Variants in ULK2 observed in about 807,000 individuals in gnomAD.
ULK2 encodes the protein serine/threonine-protein kinase ULK2.
Under a neutral mutation model 127.5 loss-of-function variants are expected in ULK2, and 76 were observed. The ratio of observed to expected loss-of-function variants is 0.60; its 90% CI spans 0.50 to 0.72. The LOEUF (loss-of-function observed/expected upper bound fraction) is 0.72. ULK2 is among the 30% of genes least tolerant of loss of function. ULK2 has a pLI of 0.00. For synonymous variants in ULK2, 452 were observed against 461.9 expected (o/e 0.98, Z 0.28); for missense variants, 1,144 against 1,295.9 (o/e 0.88, Z 1.80).
intron 14 of ULK2, among the ~76,000 whole-genome samples, chr17:19,809,732 C>CAAAAAA (rs369486144): frequency 1.1e-5 from 1 of 90,502 alleles, no homozygotes; most frequent in African/African-American, 4.8e-5. Flanking sequence ...GACTCCGTCT[C>CAAAAAA]AAAAAAAAAA....
At chr17:19,817,963 C>A (rs1374734265) in intron 12 of ULK2, among the ~76,000 whole-genome samples, 1 of 152,068 alleles carries the variant, frequency 6.6e-6, no homozygotes, top group African/African-American at 2.4e-5. Context: ...GATGGAAGAA[C>A]TAGCACTACT....
chr17:19,804,632 C>A (rs2087473919), intron 15 of ULK2, 61 bp downstream of exon 15: 1 of 1,522,042 alleles, frequency 6.6e-7, no homozygotes. Context: ...CTTCCAATAT[C>A]AATAAATTTT....
chr17:19,835,351 C>A (rs1314291459), intron 10 of ULK2, among the ~76,000 whole-genome samples: 1 of 150,700 alleles, frequency 6.6e-6, no homozygotes, highest in Non-Finnish European at 1.5e-5. Flanking sequence ...AAGTGCTGGG[C>A]TTAACAGGCA....
At chr17:19,845,492 C>T in intron 6 of ULK2, 115 bp from the exon 7 acceptor site, 1 of 763,188 alleles carries the variant, frequency 1.3e-6, no homozygotes, top group Admixed American at 2.3e-5. Context: ...AAATAAACAG[C>T]TTATTGAATT....
chr17:19,806,704 A>G (rs547760861), intron 14 of ULK2, among the ~76,000 whole-genome samples: 1 of 152,314 alleles, frequency 6.6e-6, no homozygotes, highest in African/African-American at 2.4e-5. Context: ...CAACTCCCTG[A>G]GTCCAAGTTA....
chr17:19,850,224 T>C (rs1250012920), intron 3 of ULK2, among the ~76,000 whole-genome samples: 1 of 152,224 alleles, frequency 6.6e-6, no homozygotes, highest in East Asian at 1.9e-4. Context: ...TTCTGGAATA[T>C]ATGACTCAGG....
intron 10 of ULK2, among the ~76,000 whole-genome samples, chr17:19,826,956 CAAA>C (rs757947424): frequency 8.0e-5 from 7 of 87,492 alleles, no homozygotes; most frequent in Non-Finnish European, 9.6e-5. Context: ...GACTCCGTCT[CAAA>C]AAAAAAAAAA....
chr17:19,816,197 CAA>C (rs1349989070), intron 13 of ULK2, among the ~76,000 whole-genome samples: 1 of 152,182 alleles, frequency 6.6e-6, no homozygotes, highest in African/African-American at 2.4e-5. Context: ...CCTTCATGAT[CAA>C]ACCATGGCTC....
At chr17:19,814,432 ATAT>A (rs2040922451) in intron 13 of ULK2, among the ~76,000 whole-genome samples, 14 of 15,386 alleles carry the variant, frequency 9.1e-4, no homozygotes, top group Admixed American at 2.3e-3. Context: ...ATATATATAT[ATAT>A]ATATTTTTTT....
chr17:19,805,666 C>A (rs1021894536), intron 14 of ULK2, among the ~76,000 whole-genome samples: 1 of 152,110 alleles, frequency 6.6e-6, no homozygotes, highest in African/African-American at 2.4e-5. Flanking sequence ...AACCATATGT[C>A]TTTCTTGGTC....
intron 25 of ULK2, among the ~76,000 whole-genome samples, chr17:19,780,057 C>G (rs911796774): frequency 4.0e-5 from 6 of 151,854 alleles, no homozygotes; most frequent in Non-Finnish European, 5.9e-5. Flanking sequence ...GCCTGTAATC[C>G]CAGCTACTCA....
chr17:19,855,233 T>A (rs960331514), intron 3 of ULK2, among the ~76,000 whole-genome samples: 2 of 150,964 alleles, frequency 1.3e-5, no homozygotes, highest in East Asian at 1.9e-4. Flanking sequence ...TGAAACCCCG[T>A]CTCTACTAAA....
chr17:19,790,534 T>G, intron 20 of ULK2, among the ~76,000 whole-genome samples: 1 of 151,302 alleles, frequency 6.6e-6, no homozygotes, highest in African/African-American at 2.4e-5. Flanking sequence ...AGAAAATCAG[T>G]GATACCACCA....
At chr17:19,825,728 T>C (rs1403705706) in intron 11 of ULK2, among the ~76,000 whole-genome samples, 1 of 150,192 alleles carries the variant, frequency 6.7e-6, no homozygotes, top group African/African-American at 2.5e-5. Context: ...GGCTCACACC[T>C]GTAATTCCAG....
Position 19,797,503 on chromosome 17 carries a change from G to A in ULK2, c.1702C>T (p.Pro568Ser), listed in dbSNP as rs754368706. The change falls in exon 18 of 27, where the codon CCT (proline) becomes TCT (serine). Residue 568 changes from proline to serine, a missense_variant. Transcript: ENST00000395544. ...GTGGGAGAAGTTCCAAGGCTGCCAGGCCGACTGGGCTGAGGCGAGTAGCTG... is the reference window on the plus strand; with the variant it reads ...GTGGGAGAAGTTCCAAGGCTGCCAGACCGACTGGGCTGAGGCGAGTAGCTG... Reference protein sequence around the residue: ...GYSYSPQPSRPGSLGTSPTKH... With the variant: ...GYSYSPQPSRSGSLGTSPTKH... 1 of 1,613,950 alleles carries A rather than the reference G, an allele frequency of 6.2e-7. No homozygotes were observed. The highest frequency in any genetic ancestry group is 8.5e-7 in the Non-Finnish European group (1 of 1,180,018).
chr17:19,861,728 A>G (rs995159931), intron 3 of ULK2, among the ~76,000 whole-genome samples: 7 of 152,366 alleles, frequency 4.6e-5, no homozygotes, highest in South Asian at 4.1e-4. Flanking sequence ...AAGACAAACT[A>G]CACAAACAGC....
chr17:19,795,781 AG>A, intron 19 of ULK2, 56 bp from the exon 20 acceptor site: 2 of 1,492,998 alleles, frequency 1.3e-6, no homozygotes, highest in Non-Finnish European at 1.9e-6. Context: ...TAAAACTAGA[AG>A]GGTTAATAGG....
chr17:19,781,578 A>T (rs2086921045), intron 23 of ULK2, among the ~76,000 whole-genome samples: 1 of 152,068 alleles, frequency 6.6e-6, no homozygotes, highest in Non-Finnish European at 1.5e-5. Context: ...TGCACAAGTA[A>T]ACTCTCAAGG....
chr17:19,781,703 C>A (rs1321012173), intron 23 of ULK2, among the ~76,000 whole-genome samples, 186 bp downstream of exon 23: 3 of 152,170 alleles, frequency 2.0e-5, no homozygotes, highest in Non-Finnish European at 4.4e-5. Context: ...CAAGGAAAGG[C>A]AACACTGAGG....
Sources: gnomAD v4.1 joint callset for allele counts (sites outside exome capture counted in the v4.1 genomes callset) on GRCh38, gnomAD v4.1.1 for gene constraint, MANE v1.5 for transcripts, NCBI Gene and HGNC (gene_info 2026-07-23, HGNC 2026-07-21) for gene names.